Variants in AGBL1 observed in about 807,000 individuals in gnomAD.
AGBL1 encodes cytosolic carboxypeptidase 4.
AGBL1 carries 130 observed loss-of-function variants against 118.9 expected under a neutral mutation model. The ratio of observed to expected loss-of-function variants is 1.09; its 90% CI spans 0.95 to 1.26. The LOEUF (loss-of-function observed/expected upper bound fraction) is 1.26. Among genes scored for constraint, AGBL1 ranks in the 50% most tolerant of loss-of-function variants. AGBL1 has a pLI of 0.00. For synonymous variants in AGBL1, 555 were observed against 478.9 expected (o/e 1.16, Z -2.08); for missense variants, 1,584 against 1,298.1 (o/e 1.22, Z -3.38).
chr15:86,706,301 G>T (rs536523084), intron 22 of AGBL1, among the ~76,000 whole-genome samples: 1 of 151,902 alleles, frequency 6.6e-6, no homozygotes, highest in Non-Finnish European at 1.5e-5. Flanking sequence ...TTTACAAAAT[G>T]ATATAAGATT....
intron 5 of AGBL1, among the ~76,000 whole-genome samples, chr15:86,217,418 C>G (rs764170695): frequency 3.6e-4 from 55 of 152,242 alleles, no homozygotes; most frequent in Middle Eastern, 6.8e-3. Context: ...TAGTAGAAAA[C>G]AAAACATGTT....
At chr15:86,839,325 G>A (rs2079214188) in intron 22 of AGBL1, among the ~76,000 whole-genome samples, 3 of 152,192 alleles carry the variant, frequency 2.0e-5, no homozygotes, top group African/African-American at 7.2e-5. Context: ...TCTTGCTTTA[G>A]TAATCGTCAG....
intron 22 of AGBL1, among the ~76,000 whole-genome samples, chr15:86,794,252 G>A (rs373727520): frequency 3.2e-4 from 48 of 152,192 alleles, no homozygotes; most frequent in African/African-American, 1.1e-3. Context: ...CTATACAACA[G>A]AATATTATTC....
chr15:86,352,673 G>A (rs1369090685), intron 17 of AGBL1, among the ~76,000 whole-genome samples: 1 of 152,046 alleles, frequency 6.6e-6, no homozygotes, highest in Middle Eastern at 3.4e-3. Flanking sequence ...GTAGAGATGG[G>A]GTTTCACTAT....
At chr15:86,182,451 A>C (rs757364570) in intron 5 of AGBL1, among the ~76,000 whole-genome samples, 2 of 151,874 alleles carry the variant, frequency 1.3e-5, no homozygotes, top group Admixed American at 6.6e-5. Context: ...CTCTCTCTCT[A>C]TATTCAGTTC....
At chr15:86,389,092 C>T (rs76286265) in intron 17 of AGBL1, among the ~76,000 whole-genome samples, 2 of 151,774 alleles carry the variant, frequency 1.3e-5, no homozygotes, top group Admixed American at 1.3e-4. Context: ...GAAGAAAATA[C>T]TTTATTATTT....
intron 17 of AGBL1, among the ~76,000 whole-genome samples, chr15:86,370,663 G>A (rs1232656620): frequency 6.6e-6 from 1 of 152,206 alleles, no homozygotes; most frequent in African/African-American, 2.4e-5. Flanking sequence ...TCTAACCTGA[G>A]CTGATCTATA....
rs1313861114 is a variant in AGBL1 at position 86,282,960 on chromosome 15, T to C, written c.2220+3177T>C. 2.0e-5 allele frequency among the ~76,000 whole-genome samples: 3 copies of C among 152,198 alleles called. No homozygotes were observed. In the South Asian group the frequency reaches 6.2e-4, roughly 31 times the overall value. On this transcript the variant is annotated intron_variant, in intron 16 of 22. Coordinates refer to ENST00000614907, the MANE Select transcript of AGBL1 (RefSeq NM_001386094.1). ...GACTACAATTTTGAAACTCTCAAAA[T>C]TTTTTTATTCTCTTATAATAAGGAA...
chr15:86,976,620 A>T (rs370204411), intron 23 of AGBL1, among the ~76,000 whole-genome samples: 1 of 152,028 alleles, frequency 6.6e-6, no homozygotes, highest in African/African-American at 2.4e-5. Context: ...CTTTAAAAGG[A>T]AAGTAATTCT....
At chr15:86,590,302 T>C (rs535877178) in intron 21 of AGBL1, among the ~76,000 whole-genome samples, 2 of 152,282 alleles carry the variant, frequency 1.3e-5, no homozygotes, top group Admixed American at 1.3e-4. Context: ...GAAGACACCC[T>C]GTGGGAGGTA....
At chr15:86,575,593 A>C (rs1340405744) in intron 21 of AGBL1, among the ~76,000 whole-genome samples, 1 of 152,132 alleles carries the variant, frequency 6.6e-6, no homozygotes, top group African/African-American at 2.4e-5. Context: ...GAACTTAAAA[A>C]AAAATTATTT....
chr15:86,160,420 C>T (rs2077251218), intron 5 of AGBL1, among the ~76,000 whole-genome samples: 1 of 152,190 alleles, frequency 6.6e-6, no homozygotes, highest in Non-Finnish European at 1.5e-5. Context: ...CCAGGGATTT[C>T]ACTCTTCTCC....
chr15:86,205,971 CT>C (rs2141870148), intron 5 of AGBL1, among the ~76,000 whole-genome samples: 1 of 152,264 alleles, frequency 6.6e-6, no homozygotes, highest in African/African-American at 2.4e-5. Context: ...AATGCTATCC[CT>C]CCCCCTGCCC....
intron 22 of AGBL1, among the ~76,000 whole-genome samples, chr15:86,818,329 T>C (rs562399046): frequency 6.6e-6 from 1 of 152,284 alleles, no homozygotes; most frequent in East Asian, 1.9e-4. Flanking sequence ...CCAGTGAGCA[T>C]GACCAGCTGA....
At chr15:86,080,720 T>C (rs981929941) in intron 1 of AGBL1, among the ~76,000 whole-genome samples, 11 of 152,206 alleles carry the variant, frequency 7.2e-5, no homozygotes, top group Non-Finnish European at 1.6e-4. Flanking sequence ...CCCAAAGACA[T>C]GGATTTAACT....
rs1278262032 is a variant in AGBL1, at chr15:86,587,154, C to T, written c.2994+32617C>T. 2.6e-5 allele frequency among the ~76,000 whole-genome samples: 4 copies of T among 152,162 alleles called. No individual in the cohort carries two copies. In the South Asian group the frequency reaches 6.2e-4, roughly 24 times the overall value. On this transcript the variant is annotated intron_variant, in intron 21 of 22. Transcript: ENST00000614907. Reference sequence around the variant, plus strand: ...AGTCATGGTCTTAGCTTACTCCCACCATGAGCTTATGAGCAGGCATTGTTT... The same window carrying T: ...AGTCATGGTCTTAGCTTACTCCCACTATGAGCTTATGAGCAGGCATTGTTT...
chr15:86,544,536 G>A (rs769061912), intron 19 of AGBL1, among the ~76,000 whole-genome samples: 3 of 152,160 alleles, frequency 2.0e-5, no homozygotes, highest in Non-Finnish European at 4.4e-5. Context: ...GAGGCCTCAC[G>A]ATCATGGTGG....
At chr15:86,944,310 C>T (rs2080790365) in intron 23 of AGBL1, among the ~76,000 whole-genome samples, 1 of 151,978 alleles carries the variant, frequency 6.6e-6, no homozygotes, top group Admixed American at 6.6e-5. Context: ...ACCAGGGAGG[C>T]AGAGGTTACG....
chr15:86,160,099 GT>G (rs1162570173), intron 5 of AGBL1, among the ~76,000 whole-genome samples: 16,832 of 110,224 alleles, frequency 0.15, 1,013 homozygotes, highest in East Asian at 0.29. Context: ...GGGAACTGTG[GT>G]TTTTTTTTTT....
Sources: allele counts gnomAD v4.1 joint callset (sites outside exome capture counted in the v4.1 genomes callset), GRCh38; gene constraint gnomAD v4.1.1; transcripts MANE v1.5; gene names NCBI Gene and HGNC (gene_info 2026-07-23, HGNC 2026-07-21).